The following PCLO variants were observed in gnomAD, a reference collection of about 807,000 sequenced individuals.
The protein encoded by PCLO is protein piccolo.
In PCLO, 82 loss-of-function variants were observed where a neutral mutation model predicts 427.5. That is an observed-to-expected ratio of 0.19 (90% CI 0.16 to 0.23). PCLO has a LOEUF of 0.23. PCLO is among the 10% of genes least tolerant of loss of function. PCLO has a pLI of 1.00. For missense variants in PCLO, 6,239 were observed against 6,115.9 expected, an observed-to-expected ratio of 1.02 and a Z score of -0.67; for synonymous variants, 2,357 against 2,155.4, an observed-to-expected ratio of 1.09 and a Z score of -2.59.
chr7:83,012,162 A>C (rs1207765125), intron 3 of PCLO, among the ~76,000 whole-genome samples: 3 of 152,122 alleles, frequency 2.0e-5, no homozygotes, highest in African/African-American at 7.2e-5. Flanking sequence ...ACATCAGCAT[A>C]ATAATAAATT....
At chr7:82,938,100 G>A (rs17156866) in intron 6 of PCLO, among the ~76,000 whole-genome samples, 19 of 151,948 alleles carry the variant, frequency 1.3e-4, no homozygotes, top group African/African-American at 3.1e-4. Context: ...ATCATGGGCC[G>A]TGCTAGACAT....
intron 2 of PCLO, among the ~76,000 whole-genome samples, chr7:83,144,790 C>T (rs1791952365): frequency 1.3e-5 from 2 of 152,116 alleles, no homozygotes; most frequent in Admixed American, 6.5e-5. Flanking sequence ...AAGATCTACA[C>T]ATTAAAAATT....
chr7:82,794,450 A>ATTTTTTTTTTTTTTTTTTTTTTTTTTTTT (rs141105612), intron 22 of PCLO, among the ~76,000 whole-genome samples: 1 of 62,030 alleles, frequency 1.6e-5, no homozygotes, highest in South Asian at 8.0e-4. Context: ...TAGTTCATAA[A>ATTTTTTTTTTTTTTTTTTTTTTTTTTTTT]TTTTTTTTCT....
Position 83,135,500 on chromosome 7 carries a change from G to C in PCLO, c.2050C>G (p.Pro684Ala). Residue 684 changes from proline (P) to alanine (A), a missense_variant, in exon 3 of 25, where the codon CCA (proline) becomes GCA (alanine). By Grantham distance (27) the Pro-to-Ala change is conservative. Coordinates refer to ENST00000333891, the MANE Select transcript of PCLO (RefSeq NM_033026.6). ...KSSPQPQQTS[P>A]KKDAAPKQDL... ...TGTTTTGGTGCAGCATCCTTCTTTGGGGAAGTCTGCTGTGGCTGTGGGGAT... is the reference window on the plus strand; with the variant it reads ...TGTTTTGGTGCAGCATCCTTCTTTGCGGAAGTCTGCTGTGGCTGTGGGGAT... The C allele has an allele frequency of 6.2e-7, 1 of 1,613,564 alleles. No homozygotes were observed. Among genetic ancestry groups the C allele is most frequent in the East Asian group, 2.2e-5 (1 of 44,812 alleles).
chr7:82,952,321 C>T lies in PCLO; in HGVS notation c.8632G>A (p.Gly2878Ser). 6.2e-7 allele frequency: 1 copy of T among 1,613,906 alleles called. No homozygotes were observed. The highest frequency in any genetic ancestry group is 8.5e-7 in the Non-Finnish European group (1 of 1,179,846). ...CTATCAGTCCATCCATTTGTGACAC[C>T]AACAGGAGGCACAGTGACAGGTTTT... ...ITKPVTVPPV[G>S]VTNGWTDSTV... is the part of the protein sequence containing the mutation. Residue 2878 changes from glycine to serine, a missense_variant, in exon 5 of 25, where the codon GGT (glycine) becomes AGT (serine). By Grantham distance (56) the Gly-to-Ser change is moderately conservative. Coordinates refer to ENST00000333891, the MANE Select transcript of PCLO (RefSeq NM_033026.6).
intron 3 of PCLO, among the ~76,000 whole-genome samples, chr7:83,132,945 C>T (rs1157403283): frequency 6.6e-6 from 1 of 151,784 alleles, no homozygotes. Flanking sequence ...ATCCAAAACA[C>T]TGTAACTAAT....
At chr7:83,078,083 A>G (rs1410607090) in intron 3 of PCLO, among the ~76,000 whole-genome samples, 1 of 152,128 alleles carries the variant, frequency 6.6e-6, no homozygotes, top group Admixed American at 6.5e-5. Context: ...TGTGCTCTTG[A>G]GTCCCTCAGA....
intron 8 of PCLO, among the ~76,000 whole-genome samples, chr7:82,907,699 T>C (rs1296616807): frequency 1.3e-5 from 2 of 151,846 alleles, no homozygotes; most frequent in East Asian, 1.9e-4. Context: ...AAAATATGTA[T>C]TGAAGATATG....
At position 82,859,958 on chromosome 7, in the gene PCLO, T is replaced by C. The variant is rs575277142; in HGVS notation, c.13655-12711A>G. On this transcript the variant is annotated intron_variant, in intron 10 of 24. Coordinates refer to ENST00000333891, the MANE Select transcript of PCLO (RefSeq NM_033026.6). ...TGAATAATGCATCAGAGGTCTTTAA[T>C]AGAAGAATTGATCAAGCAAAAGAAA... is the stretch of plus-strand genomic sequence containing the variant. 1.1e-4 allele frequency among the ~76,000 whole-genome samples: 16 copies of C among 152,060 alleles called. No individual in the cohort carries two copies. In the South Asian group the frequency reaches 2.3e-3, roughly 22 times the overall value.
At chr7:82,803,116 A>G (rs1298314855) in intron 21 of PCLO, among the ~76,000 whole-genome samples, 1 of 152,056 alleles carries the variant, frequency 6.6e-6, no homozygotes, top group Non-Finnish European at 1.5e-5. Context: ...TAATTGCTTC[A>G]TCAAGATTCA....
intron 22 of PCLO, among the ~76,000 whole-genome samples, chr7:82,794,448 A>C (rs1482668590): frequency 1.9e-5 from 1 of 53,818 alleles, no homozygotes; most frequent in Non-Finnish European, 6.0e-5. Context: ...GCTAGTTCAT[A>C]AATTTTTTTT....
chr7:83,019,210 T>A (rs2116044959), intron 3 of PCLO, among the ~76,000 whole-genome samples: 1 of 152,180 alleles, frequency 6.6e-6, no homozygotes, highest in East Asian at 1.9e-4. Flanking sequence ...CCTCAATATG[T>A]GTGTCTTGCT....
At position 82,980,271 on chromosome 7, in the gene PCLO, G is replaced by GT. The variant is rs538700785; in HGVS notation, c.3301-13785dup. Among the ~76,000 whole-genome samples the GT allele has an allele frequency of 3.4e-4, 52 of 152,182 alleles. No homozygotes were observed. In the East Asian group the frequency reaches 9.3e-3, roughly 27 times the overall value. Reference sequence around the variant, plus strand: ...AAGAGGAAAGTCTTGACAGAAACATGTGGAATGCTTTATTTTCACACCTGT... The same window carrying GT: ...AAGAGGAAAGTCTTGACAGAAACATGTTGGAATGCTTTATTTTCACACCTGT... On this transcript the variant is annotated intron_variant, in intron 3 of 24. Coordinates refer to ENST00000333891, the MANE Select transcript of PCLO (RefSeq NM_033026.6).
chr7:83,155,346 T>C lies in PCLO; in HGVS notation c.1295A>G (p.Lys432Arg), dbSNP rs1484406081. ...AQQPGLQSPA[K>R]APGPTKTPVQ... The stretch of plus-strand genomic sequence containing the variant: ...TGGAGTCTTTGTAGGCCCAGGTGCC[T>C]TAGCTGGAGACTGTAGCCCAGGTTG... Residue 432 changes from lysine (K) to arginine (R), a missense_variant, in exon 2 of 25, where the codon AAG (lysine) becomes AGG (arginine). Physicochemically the swap from Lys to Arg is conservative, Grantham distance 26 (BLOSUM62 2). This residue lies in a region of PCLO where 4,677 missense variants were observed against 4,468.4 expected (regional missense o/e 1.05). Transcript: ENST00000333891. 1 of 1,613,560 alleles carries C rather than the reference T, an allele frequency of 6.2e-7. No homozygotes were observed. The highest frequency in any genetic ancestry group is 1.3e-5 in the African/African-American group (1 of 74,796).
At chr7:83,113,561 T>G (rs924878818) in intron 3 of PCLO, among the ~76,000 whole-genome samples, 1 of 152,184 alleles carries the variant, frequency 6.6e-6, no homozygotes, top group Non-Finnish European at 1.5e-5. Context: ...AGATATGAAG[T>G]TGACCAATAT....
At chr7:83,082,818 A>G (rs1790136272) in intron 3 of PCLO, among the ~76,000 whole-genome samples, 1 of 151,784 alleles carries the variant, frequency 6.6e-6, no homozygotes, top group Non-Finnish European at 1.5e-5. Context: ...CTGAAAAAGA[A>G]GGAAAAATAG....
intron 10 of PCLO, among the ~76,000 whole-genome samples, chr7:82,858,557 A>T (rs1792867064): frequency 6.6e-6 from 1 of 152,168 alleles, no homozygotes; most frequent in African/African-American, 2.4e-5. Flanking sequence ...AAAACAGTCA[A>T]GACTCCACCA....
chr7:82,928,995 C>G (rs974333950), intron 6 of PCLO, among the ~76,000 whole-genome samples: 1 of 151,922 alleles, frequency 6.6e-6, no homozygotes, highest in East Asian at 2.0e-4. Context: ...TTACGGCTTG[C>G]TAACTGAGAT....
chr7:82,999,301 A>T (rs1259588377), intron 3 of PCLO, among the ~76,000 whole-genome samples: 1 of 142,322 alleles, frequency 7.0e-6, no homozygotes, highest in Admixed American at 7.3e-5. Context: ...ATAATATTAT[A>T]TATTAAATAT....
Sources: allele counts gnomAD v4.1 joint callset (sites outside exome capture counted in the v4.1 genomes callset), GRCh38; gene constraint gnomAD v4.1.1; regional missense constraint gnomAD v4.1.1; transcripts MANE v1.5; gene names NCBI Gene and HGNC (gene_info 2026-07-23, HGNC 2026-07-21).